The following HK1 variants were observed in gnomAD, a reference collection of about 807,000 sequenced individuals.
The protein encoded by HK1 is hexokinase 1.
A neutral mutation model predicts 91.6 loss-of-function variants in HK1; 28 were observed. That is an observed-to-expected ratio of 0.31 (90% confidence interval 0.23 to 0.42). The LOEUF (loss-of-function observed/expected upper bound fraction) is 0.42, where lower values mean the gene tolerates loss of function less well. Among genes scored for constraint, HK1 ranks in the 10% least tolerant of loss-of-function variants. The pLI is 1.00. For synonymous variants in HK1, 430 were observed against 468.1 expected, an observed-to-expected ratio of 0.92 and a Z score of 1.05; for missense variants, 770 against 1,219.8, an observed-to-expected ratio of 0.63 and a Z score of 5.49.
At chr10:69,312,103 C>T (rs993496921), upstream of HK1, among the ~76,000 whole-genome samples, 6 of 152,154 alleles carry the variant, frequency 3.9e-5, no homozygotes, top group African/African-American at 1.2e-4. Flanking sequence ...GGAAAACTTC[C>T]GCTTCCCCCT....
intron 5 of HK1, among the ~76,000 whole-genome samples, chr10:69,306,326 G>A (rs991420500): frequency 6.6e-6 from 1 of 151,154 alleles, no homozygotes; most frequent in African/African-American, 2.4e-5. Context: ...CCAGTGCACT[G>A]CAGCCCGGGC....
At chr10:69,398,099 C>T (rs1199449399) in intron 16 of HK1, among the ~76,000 whole-genome samples, 1 of 152,152 alleles carries the variant, frequency 6.6e-6, no homozygotes, top group Admixed American at 6.5e-5. Flanking sequence ...GATTTATAAA[C>T]AAACCTTATC....
chr10:69,295,776 C>G, intron 4 of HK1: 1 of 852,320 alleles, frequency 1.2e-6, no homozygotes. Flanking sequence ...TTTCAGCCAG[C>G]CAAGCAGCTG....
rs375860245 is a variant in HK1, at chr10:69,380,145, G to A, written c.1265+50G>A. 1.1e-4 allele frequency: 161 copies of A among 1,431,358 alleles called. No individual in the cohort carries two copies. Among genetic ancestry groups the A allele is most frequent in the Middle Eastern group, 1.7e-4 (1 of 5,748 alleles). 88.7% of individuals were successfully genotyped at this position (1,431,358 alleles called of 1,614,324 possible). On this transcript the variant is annotated intron_variant, in intron 9 of 17. Coordinates refer to ENST00000359426, the MANE Select transcript of HK1 (RefSeq NM_000188.3). The surrounding 1 kb of genome is among the most constrained non-coding windows in gnomAD (Gnocchi z 4.0). ...GGCACTCTGTACCCATTGTGGGTAG[G>A]GACCTTCTCCAGAGATCAGACTTTT...
At chr10:69,288,892 T>G (rs915719043) in intron 3 of HK1, 1 of 796,838 alleles carries the variant, frequency 1.3e-6, no homozygotes, top group African/African-American at 1.7e-5. Context: ...GTTCAAGCGA[T>G]TCTCCTGCCT....
At chr10:69,276,818 G>T (rs1844501701) in intron 1 of HK1, among the ~76,000 whole-genome samples, 1 of 148,546 alleles carries the variant, frequency 6.7e-6, no homozygotes, top group Non-Finnish European at 1.5e-5. Flanking sequence ...ACATATAATA[G>T]GATATTTTAT....
chr10:69,399,247 A>T (rs1840280345), intron 17 of HK1, among the ~76,000 whole-genome samples: 1 of 152,174 alleles, frequency 6.6e-6, no homozygotes. Context: ...GCAGTGGTTC[A>T]CACCTGTAAT....
At chr10:69,326,996 T>G (rs1847415040) in intron 1 of HK1, among the ~76,000 whole-genome samples, 1 of 148,708 alleles carries the variant, frequency 6.7e-6, no homozygotes, top group Non-Finnish European at 1.5e-5. Context: ...TGTGTGGTTT[T>G]AAACTTTTTT....
rs536784602 is a variant in HK1 at position 69,332,062 on chromosome 10, T to G, written c.64-11765T>G. On this transcript the variant is annotated intron_variant, in intron 1 of 17. Coordinates refer to ENST00000359426, the MANE Select transcript of HK1 (RefSeq NM_000188.3). ...CTCCATTCTGGGTGACAGAGTGAGA[T>G]TATCTAAAAAACAAAATTAATTTCA... is the stretch of plus-strand genomic sequence containing the variant. Among the ~76,000 whole-genome samples, 3 of 152,264 alleles carry G rather than the reference T, an allele frequency of 2.0e-5. No individual in the cohort carries two copies. In the East Asian group the frequency reaches 5.8e-4, roughly 29 times the overall value.
chr10:69,276,061 G>A (rs1463041972), intron 1 of HK1, among the ~76,000 whole-genome samples: 2 of 121,160 alleles, frequency 1.7e-5, no homozygotes, highest in African/African-American at 6.6e-5. Flanking sequence ...TTGCACTCCA[G>A]CCTGGGCAGC....
intron 2 of HK1, among the ~76,000 whole-genome samples, chr10:69,345,168 T>A (rs912766347): frequency 4.6e-5 from 7 of 152,094 alleles, no homozygotes; most frequent in African/African-American, 1.2e-4. Flanking sequence ...ATTTGGACGC[T>A]GATAAAGAGG....
chr10:69,364,938 G>A lies in HK1; in HGVS notation c.495+36G>A, dbSNP rs750699247. On this transcript the variant is annotated intron_variant, in intron 4 of 17. Transcript: ENST00000359426. ...TCTGGGATTATCGGGCTCTGCAGATGCCCCGGGATGGAAAAGCTAACAAGC... is the reference window on the plus strand; with the variant it reads ...TCTGGGATTATCGGGCTCTGCAGATACCCCGGGATGGAAAAGCTAACAAGC... 1.1e-5 allele frequency: 18 copies of A among 1,613,150 alleles called. No individual in the cohort carries two copies. In the East Asian group the frequency reaches 4.0e-4, roughly 36 times the overall value.
chr10:69,382,077 A>G (rs1422845101), intron 9 of HK1, among the ~76,000 whole-genome samples: 1 of 152,228 alleles, frequency 6.6e-6, no homozygotes, highest in Non-Finnish European at 1.5e-5. Flanking sequence ...GATTTGTGTA[A>G]TGAAAAAAGC....
intron 3 of HK1, chr10:69,292,220 GC>G: frequency 3.1e-6 from 1 of 317,790 alleles, no homozygotes. Flanking sequence ...AGAGGCGTGT[GC>G]CCCCACAACC....
exon 1 of HK1, chr10:69,270,015 C>T (rs1315504849): frequency 7.9e-5 from 12 of 152,262 alleles, no homozygotes; most frequent in Admixed American, 3.9e-4. Context: ...ATCTATCTTG[C>T]TGTGTTTGGA....
chr10:69,329,118 A>G (rs1847549356), intron 1 of HK1, among the ~76,000 whole-genome samples: 1 of 149,324 alleles, frequency 6.7e-6, no homozygotes, highest in Non-Finnish European at 1.5e-5. Flanking sequence ...TGCTCTGAAC[A>G]TTTGTGTGTG....
At chr10:69,301,750 G>A (rs1845884990) in intron 5 of HK1, among the ~76,000 whole-genome samples, 2 of 152,128 alleles carry the variant, frequency 1.3e-5, no homozygotes, top group Admixed American at 1.3e-4. Flanking sequence ...CCATGTTCAT[G>A]GATTGGAAGA....
At position 69,280,123 on chromosome 10, in the gene HK1, G is replaced by A. The variant is rs193240203; in HGVS notation, c.-390-2406G>A. 1.3e-4 allele frequency among the ~76,000 whole-genome samples: 19 copies of A among 151,938 alleles called. No individual in the cohort carries two copies. In the East Asian group the frequency reaches 3.7e-3, roughly 29 times the overall value. Reference sequence around the variant, plus strand: ...TTTAACTGGCCAATGATGAAAAAAGGTTTTGTTTTTTTTTTTTAGACAGAG... The same window carrying A: ...TTTAACTGGCCAATGATGAAAAAAGATTTTGTTTTTTTTTTTTAGACAGAG... On this transcript the variant is annotated intron_variant, in intron 1 of 21. Coordinates refer to the HK1 transcript ENST00000360289.
rs73263665 is a variant in HK1, at chr10:69,300,806, A to C, written c.-29A>C. ...TCTTGAGAGCATCAGCCAGGACATT[A>C]ATGTGCACCACTGTGGTGGCGTGGA... On this transcript the variant is annotated 5_prime_UTR_variant, in exon 5 of 22. Transcript: ENST00000360289. 8,124 of 1,610,874 alleles carry C rather than the reference A, an allele frequency of 5.0e-3. 299 individuals are homozygous for C. In the African/African-American group the frequency reaches 0.077, roughly 15 times the overall value.
Sources: gnomAD v4.1 joint callset for allele counts (sites outside exome capture counted in the v4.1 genomes callset) on GRCh38, gnomAD v4.1.1 for gene constraint, Gnocchi (gnomAD v3.1) non-coding constraint, MANE v1.5 for transcripts, NCBI Gene and HGNC (gene_info 2026-07-23, HGNC 2026-07-21) for gene names.